The following KPNB1 variants were observed in gnomAD, a reference collection of about 807,000 sequenced individuals.
KPNB1 encodes importin subunit beta-1.
In KPNB1, 7 loss-of-function variants were observed where a neutral mutation model predicts 113.0. The ratio of observed to expected loss-of-function variants is 0.06; its 90% CI spans 0.04 to 0.12. The LOEUF is 0.12. Ranked by LOEUF, KPNB1 falls within the 10% of genes least tolerant of loss-of-function variation. The pLI is 1.00. For missense variants in KPNB1, 400 were observed against 1,054.8 expected (o/e 0.38, Z 8.60); for synonymous variants, 363 against 378.6 (o/e 0.96, Z 0.48).
At chr17:47,654,794 A>G (rs1915674983) in intron 3 of KPNB1, among the ~76,000 whole-genome samples, 1 of 152,200 alleles carries the variant, frequency 6.6e-6, no homozygotes, top group African/African-American at 2.4e-5. Context: ...CTAGGAGACT[A>G]TGTAGTGTGG....
intron 6 of KPNB1, among the ~76,000 whole-genome samples, chr17:47,662,728 A>G (rs981631454): frequency 5.3e-5 from 8 of 152,004 alleles, no homozygotes; most frequent in East Asian, 1.9e-4. Flanking sequence ...CTAAAAATAC[A>G]AAAAATTAGC....
At chr17:47,662,841 C>T (rs1224866939) in intron 6 of KPNB1, among the ~76,000 whole-genome samples, 1 of 152,114 alleles carries the variant, frequency 6.6e-6, no homozygotes, top group Non-Finnish European at 1.5e-5. Context: ...CAAGATCATG[C>T]CACTGCACTC....
At chr17:47,671,542 TAA>T (rs1238310624) in intron 12 of KPNB1, among the ~76,000 whole-genome samples, 9 of 151,966 alleles carry the variant, frequency 5.9e-5, no homozygotes, top group African/African-American at 1.7e-4. Flanking sequence ...ATTAATTAAT[TAA>T]TTAATTTATT....
In KPNB1 at chr17:47,673,126, G is replaced by T; in HGVS notation, c.1656G>T (p.Leu552Phe). The change falls in exon 13 of 22, where the codon TTG becomes TTT. Residue 552 changes from leucine (L) to phenylalanine (F), a missense_variant. Transcript: ENST00000290158. The part of the protein sequence containing the change: ...DCYPAVQKTT[L>F]VIMERLQQVL... ...ATCCTGCTGTCCAGAAAACGACTTT[G>T]GTCATCATGGAACGACTGCAACAGG... is the stretch of plus-strand genomic sequence containing the variant. The T allele has an allele frequency of 6.2e-7, 1 of 1,614,140 alleles. No individual in the cohort carries two copies.
intron 3 of KPNB1, 66 bp from the exon 4 acceptor site, chr17:47,656,794 G>A (rs1342093875): frequency 2.7e-6 from 4 of 1,477,726 alleles, no homozygotes; most frequent in African/African-American, 1.4e-5. Flanking sequence ...TATAAGTATG[G>A]TGGTGGGCAA....
At chr17:47,670,862 G>A (rs779227923) in intron 12 of KPNB1, 30 bp downstream of exon 12, 6 of 1,580,604 alleles carry the variant, frequency 3.8e-6, no homozygotes, top group South Asian at 2.2e-5. Context: ...AATGAGTGAC[G>A]TCTTTGCATC....
rs1347588853 is a variant in KPNB1, at chr17:47,684,288, C to T, written c.*1884C>T. ...CTCTAATAGCTCTTGTACAGGGTAT[C>T]AGATATTGTGCCTTTTGGTGCCAGG... On this transcript the variant is annotated 3_prime_UTR_variant, in exon 22 of 22. Coordinates refer to ENST00000290158, the MANE Select transcript of KPNB1 (RefSeq NM_002265.6). 1 of 151,406 alleles carries T rather than the reference C, an allele frequency of 6.6e-6. No individual in the cohort carries two copies. The highest frequency in any genetic ancestry group is 2.1e-4 in the South Asian group (1 of 4,792). The allele number at this position is 151,406 out of a possible 1,614,324, so 9.4% of individuals were successfully genotyped here.
In KPNB1 at chr17:47,677,006, T is replaced by G; in HGVS notation, c.1996-14T>G. On this transcript the variant is annotated splice_polypyrimidine_tract_variant and intron_variant, in intron 16 of 21. Coordinates refer to ENST00000290158, the MANE Select transcript of KPNB1 (RefSeq NM_002265.6). Reference sequence around the variant, plus strand: ...CCTTTTCTGTTAGAAGATTATTTCCTTGATTCTTGGCAGGTTTGTTTGGCA... The same window carrying G: ...CCTTTTCTGTTAGAAGATTATTTCCGTGATTCTTGGCAGGTTTGTTTGGCA... 1 of 1,606,932 alleles carries G rather than the reference T, an allele frequency of 6.2e-7. No homozygotes were observed. Among genetic ancestry groups the G allele is most frequent in the Non-Finnish European group, 8.5e-7 (1 of 1,175,028 alleles).
At position 47,685,446 on chromosome 17, in the gene KPNB1, C is replaced by A. The variant is rs2030910760; in HGVS notation, c.*3042C>A. 1 of 151,902 alleles carries A rather than the reference C, an allele frequency of 6.6e-6. No individual in the cohort carries two copies. The highest frequency in any genetic ancestry group is 2.1e-4 in the South Asian group (1 of 4,830). The allele number at this position is 151,902 out of a possible 1,614,324, so 9.4% of individuals were successfully genotyped here. On this transcript the variant is annotated 3_prime_UTR_variant, in exon 22 of 22. Coordinates refer to ENST00000290158, the MANE Select transcript of KPNB1 (RefSeq NM_002265.6). ...AACACTTGAGCCCAACTCGATTAACCAAAACCGATAACCACCACCTTTATC... is the reference window on the plus strand; with the variant it reads ...AACACTTGAGCCCAACTCGATTAACAAAAACCGATAACCACCACCTTTATC...
intron 3 of KPNB1, among the ~76,000 whole-genome samples, chr17:47,653,960 G>A (rs1218120460): frequency 1.3e-5 from 2 of 152,138 alleles, no homozygotes; most frequent in East Asian, 3.8e-4. Flanking sequence ...TGACATAAAT[G>A]GAAGTATATT....
At chr17:47,675,735 CTT>C (rs2030598219) in intron 15 of KPNB1, among the ~76,000 whole-genome samples, 1 of 152,118 alleles carries the variant, frequency 6.6e-6, no homozygotes. Flanking sequence ...ACTTAAGACT[CTT>C]TGAAGGGGCA....
At chr17:47,670,442 A>G in intron 11 of KPNB1, 1 of 307,528 alleles carries the variant, frequency 3.3e-6, no homozygotes, top group East Asian at 5.7e-5. Flanking sequence ...GTGATTGGAA[A>G]CAGAAGAAAT....
At chr17:47,659,920 A>G (rs576812205) in intron 5 of KPNB1, among the ~76,000 whole-genome samples, 1 of 151,786 alleles carries the variant, frequency 6.6e-6, no homozygotes, top group East Asian at 1.9e-4. Context: ...ATATATATAT[A>G]TGTATATGTA....
rs1327268535 is a variant in KPNB1, at chr17:47,668,389, G to A, written c.1203G>A (p.Gln401=). The A allele has an allele frequency of 6.2e-7, 1 of 1,614,002 alleles. No homozygotes were observed. Among genetic ancestry groups the A allele is most frequent in the African/African-American group, 1.3e-5 (1 of 74,934 alleles). ...TCTTGGAAGGACCAGAGCCCAGTCAGCTCAAACCACTAGTTATACAGGTGA... is the reference window on the plus strand; with the variant it reads ...TCTTGGAAGGACCAGAGCCCAGTCAACTCAAACCACTAGTTATACAGGTGA... ...GCILEGPEPS[Q]LKPLVIQAMP... The change falls in exon 10 of 22, where the codon CAG becomes CAA. Residue 401 remains glutamine (Q), a synonymous_variant. Transcript: ENST00000290158.
chr17:47,663,581 T>G (rs2030173799), intron 7 of KPNB1, among the ~76,000 whole-genome samples: 1 of 152,108 alleles, frequency 6.6e-6, no homozygotes, highest in East Asian at 1.9e-4. Flanking sequence ...GGAGAATCGC[T>G]TGAACCCAGG....
intron 12 of KPNB1, among the ~76,000 whole-genome samples, chr17:47,671,323 C>T (rs1415734814): frequency 6.6e-6 from 1 of 152,180 alleles, no homozygotes; most frequent in Non-Finnish European, 1.5e-5. Flanking sequence ...GCAGATTCCA[C>T]CTACCTTAGA....
intron 2 of KPNB1, chr17:47,651,363 C>T: frequency 5.1e-6 from 5 of 985,034 alleles, no homozygotes; most frequent in African/African-American, 1.7e-5. Context: ...TGATGCTTGA[C>T]ATCTTTGAGA....
intron 19 of KPNB1, among the ~76,000 whole-genome samples, chr17:47,679,029 T>C (rs1015036310): frequency 6.6e-6 from 1 of 151,486 alleles, no homozygotes. Flanking sequence ...AAGTGATTCT[T>C]ATGCCTCAGC....
intron 15 of KPNB1, among the ~76,000 whole-genome samples, chr17:47,675,373 TTTTTTTTTTTTG>T (rs889596594): frequency 3.9e-5 from 4 of 102,664 alleles, no homozygotes; most frequent in Middle Eastern, 4.4e-3. Flanking sequence ...TTTTTTTTTG[TTTTTTTTTTTTG>T]TTTGTTTTTT....
Sources: gnomAD v4.1 joint callset for allele counts (sites outside exome capture counted in the v4.1 genomes callset) on GRCh38, gnomAD v4.1.1 for gene constraint, MANE v1.5 for transcripts, NCBI Gene and HGNC (gene_info 2026-07-23, HGNC 2026-07-21) for gene names.